AGPAT4: variants seen among roughly 807,000 people sequenced by gnomAD.
AGPAT4 encodes the protein 1-acylglycerol-3-phosphate O-acyltransferase 4.
Under a neutral mutation model 48.0 loss-of-function variants are expected in AGPAT4, and 15 were observed. The observed-to-expected ratio is 0.31, with a 90% CI of 0.21 to 0.48. The LOEUF (loss-of-function observed/expected upper bound fraction) is 0.48, where lower values mean the gene tolerates loss of function less well. AGPAT4 is among the 20% of genes least tolerant of loss of function. AGPAT4 has a pLI of 0.99. For synonymous variants in AGPAT4, 178 were observed against 198.7 expected (o/e 0.90, Z 0.88); for missense variants, 314 against 482.5 (o/e 0.65, Z 3.27).
At position 161,130,059 on chromosome 6, in the gene AGPAT4, T is replaced by C. The variant is rs531883252; in HGVS notation, c.*6481A>G. ...ATCCACACATACTTTATTAGTTTTA[T>C]CTTTGTTCAGCCCACCAACAAAAAT... On this transcript the variant is annotated 3_prime_UTR_variant, in exon 9 of 9. Coordinates refer to ENST00000320285, the MANE Select transcript of AGPAT4 (RefSeq NM_020133.3). 1 of 152,342 alleles carries C rather than the reference T, an allele frequency of 6.6e-6. No individual in the cohort carries two copies. The highest frequency in any genetic ancestry group is 2.1e-4 in the South Asian group (1 of 4,832). The allele number at this position is 152,342 out of a possible 1,614,324, so 9.4% of individuals were successfully genotyped here.
intron 5 of AGPAT4, among the ~76,000 whole-genome samples, chr6:161,151,519 C>T (rs916371294): frequency 6.6e-6 from 1 of 152,230 alleles, no homozygotes; most frequent in African/African-American, 2.4e-5. Flanking sequence ...TGGGCAACCC[C>T]ACCAGGGGCA....
intron 2 of AGPAT4, among the ~76,000 whole-genome samples, chr6:161,173,927 G>C (rs956922607): frequency 6.6e-6 from 1 of 152,126 alleles, no homozygotes; most frequent in Non-Finnish European, 1.5e-5. Flanking sequence ...GCTTGTTTTT[G>C]TCAGGTTTGT....
intron 5 of AGPAT4, among the ~76,000 whole-genome samples, 155 bp downstream of exon 5, chr6:161,153,190 TC>T (rs1434644048): frequency 6.6e-6 from 1 of 152,224 alleles, no homozygotes; most frequent in Non-Finnish European, 1.5e-5. Context: ...TGACCTTGGT[TC>T]CCAGTCACAG....
At chr6:161,199,217 C>T (rs905076870) in intron 2 of AGPAT4, among the ~76,000 whole-genome samples, 6 of 152,104 alleles carry the variant, frequency 3.9e-5, no homozygotes, top group East Asian at 3.8e-4. Context: ...TATAGGACTG[C>T]GAATGTCGTC....
chr6:161,260,499 A>G (rs1448158608), intron 1 of AGPAT4, among the ~76,000 whole-genome samples: 2 of 151,532 alleles, frequency 1.3e-5, no homozygotes, highest in African/African-American at 2.4e-5. Flanking sequence ...ATCTCTACTA[A>G]AAATTAACCA....
intron 4 of AGPAT4, 185 bp downstream of exon 4, chr6:161,153,964 C>T (rs1779683244): frequency 1.3e-6 from 1 of 779,376 alleles, no homozygotes; most frequent in African/African-American, 1.7e-5. Context: ...CATACGTGGC[C>T]CCACGGTCAC....
rs1241479706 is a variant in AGPAT4 at position 161,208,229 on chromosome 6, T to C, written c.178+23807A>G. Among the ~76,000 whole-genome samples, 1 of 152,184 alleles carries C rather than the reference T, an allele frequency of 6.6e-6. No homozygotes were observed. The highest frequency in any genetic ancestry group is 1.5e-5 in the Non-Finnish European group (1 of 68,032). ...TCTCCTTTTTTATATGAACGTTAGC[T>C]ACCAAGACAAGCACTGTTACTAAAA... On this transcript the variant is annotated intron_variant, in intron 2 of 8. Transcript: ENST00000320285. This position sits in a 1 kb window ranked among gnomAD's most constrained non-coding sequence, Gnocchi z 4.6.
chr6:161,183,865 G>A (rs777739668), intron 2 of AGPAT4, among the ~76,000 whole-genome samples: 7 of 151,736 alleles, frequency 4.6e-5, no homozygotes, highest in African/African-American at 7.3e-5. Context: ...TGGGGAAGCA[G>A]GGAGGGCTTC....
rs890934246 is a variant in AGPAT4 at position 161,221,031 on chromosome 6, G to T, written c.178+11005C>A. ...ACTCCTGACCTCAGGTGATCTACCC[G>T]CCTCAGCCTCCCAAAGTGCTGGATT... On this transcript the variant is annotated intron_variant, in intron 2 of 8. Coordinates refer to ENST00000320285, the MANE Select transcript of AGPAT4 (RefSeq NM_020133.3). The surrounding 1 kb of genome is among the most constrained non-coding windows in gnomAD (Gnocchi z 4.5). Among the ~76,000 whole-genome samples the T allele has an allele frequency of 6.6e-6, 1 of 152,028 alleles. No homozygotes were observed. Among genetic ancestry groups the T allele is most frequent in the Admixed American group, 6.5e-5 (1 of 15,268 alleles).
At position 161,251,592 on chromosome 6, in the gene AGPAT4, C is replaced by T. The variant is rs573886332; in HGVS notation, c.-89-19290G>A. On this transcript the variant is annotated intron_variant, in intron 1 of 8. Coordinates refer to ENST00000320285, the MANE Select transcript of AGPAT4 (RefSeq NM_020133.3). The surrounding 1 kb of genome is among the most constrained non-coding windows in gnomAD (Gnocchi z 4.6). ...ACCCTGCATTACAGACCAGCCTGTC[C>T]GGCCGCTGGTTAAAGACCCGCAGGG... Among the ~76,000 whole-genome samples, 4 of 152,278 alleles carry T rather than the reference C, an allele frequency of 2.6e-5. No individual in the cohort carries two copies. The highest frequency in any genetic ancestry group is 1.9e-4 in the East Asian group (1 of 5,164).
rs546451847 is a variant in AGPAT4, at chr6:161,243,338, G to A, written c.-89-11036C>T. 2.2e-4 allele frequency among the ~76,000 whole-genome samples: 34 copies of A among 152,174 alleles called. No individual in the cohort carries two copies. The highest frequency in any genetic ancestry group is 6.2e-4 in the South Asian group (3 of 4,810). On this transcript the variant is annotated intron_variant, in intron 1 of 8. Coordinates refer to ENST00000320285, the MANE Select transcript of AGPAT4 (RefSeq NM_020133.3). This position sits in a 1 kb window ranked among gnomAD's most constrained non-coding sequence, Gnocchi z 4.8. ...CGTGAGGTGGCTGGCATCCCCAGCC[G>A]GCACTAAAAACAAAAAGAGAGAGCT...
intron 2 of AGPAT4, among the ~76,000 whole-genome samples, chr6:161,194,534 C>G (rs1211602751): frequency 2.0e-5 from 3 of 148,838 alleles, no homozygotes; most frequent in African/African-American, 7.4e-5. Context: ...GTCTGTGTGT[C>G]TATGTGTGTA....
At chr6:161,263,432 A>C (rs1013906126) in intron 1 of AGPAT4, among the ~76,000 whole-genome samples, 1 of 152,182 alleles carries the variant, frequency 6.6e-6, no homozygotes, top group Admixed American at 6.5e-5. Flanking sequence ...CAGAAGTTGC[A>C]GTGAGCCAAG....
Position 161,169,320 on chromosome 6 carries a change from G to C in AGPAT4, c.179-2903C>G, listed in dbSNP as rs1019933420. ...GACTGGAATAGGGAGGCCAGTTAGC[G>C]GGTGACTACATCAGCACAGCGAGAG... On this transcript the variant is annotated intron_variant, in intron 2 of 8. Coordinates refer to ENST00000320285, the MANE Select transcript of AGPAT4 (RefSeq NM_020133.3). The surrounding 1 kb of genome is among the most constrained non-coding windows in gnomAD (Gnocchi z 5.0). Among the ~76,000 whole-genome samples, 1 of 152,182 alleles carries C rather than the reference G, an allele frequency of 6.6e-6. No individual in the cohort carries two copies. The highest frequency in any genetic ancestry group is 6.5e-5 in the Admixed American group (1 of 15,276).
rs1779009364 is a variant in AGPAT4, at chr6:161,134,692, A to G, written c.*1848T>C. 6.6e-6 allele frequency: 1 copy of G among 152,006 alleles called. No individual in the cohort carries two copies. The highest frequency in any genetic ancestry group is 1.5e-5 in the Non-Finnish European group (1 of 68,000). The allele number at this position is 152,006 out of a possible 1,614,324, so 9.4% of individuals were successfully genotyped here. ...CGGACCCCTCCGAGAGACTGGCCCG[A>G]TAATCCAGGCGCAGGTCCACTAGGG... On this transcript the variant is annotated 3_prime_UTR_variant, in exon 9 of 9. Coordinates refer to ENST00000320285, the MANE Select transcript of AGPAT4 (RefSeq NM_020133.3).
chr6:161,153,414 C>T lies in AGPAT4; in HGVS notation c.596G>A (p.Arg199His), dbSNP rs1372957019. The change falls in exon 5 of 9, where the codon CGC (arginine) becomes CAC (histidine). Residue 199 changes from arginine (R) to histidine (H), a missense_variant. Arg to His is a conservative substitution (Grantham distance 29). Transcript: ENST00000320285. ...TCGTGGCAACAGGTGATGCTTGAGG[C>T]GAGGCAGCCCCTTGGCCCGGGCCAC... The part of the protein sequence containing the change: ...MQVARAKGLP[R>H]LKHHLLPRTK... 1.4e-5 allele frequency: 22 copies of T among 1,611,282 alleles called. No homozygotes were observed. The highest frequency in any genetic ancestry group is 1.7e-5 in the Non-Finnish European group (20 of 1,178,868).
At chr6:161,153,218 G>A (rs1178431797) in intron 5 of AGPAT4, 128 bp downstream of exon 5, 57 of 1,291,656 alleles carry the variant, frequency 4.4e-5, no homozygotes, top group Non-Finnish European at 3.1e-5. Context: ...GACTTGAGCA[G>A]CCACTCTGAG....
rs1783387075 is a variant in AGPAT4 at position 161,270,374 on chromosome 6, C to T, written c.-90+3564G>A. Among the ~76,000 whole-genome samples, 1 of 152,084 alleles carries T rather than the reference C, an allele frequency of 6.6e-6. No homozygotes were observed. Among genetic ancestry groups the T allele is most frequent in the African/African-American group, 2.4e-5 (1 of 41,404 alleles). ...ACAAAGAATAATGAATTTGAGTTGC[C>T]CAAGCTCTAGGAAATGTTACATGAT... On this transcript the variant is annotated intron_variant, in intron 1 of 8. Coordinates refer to ENST00000320285, the MANE Select transcript of AGPAT4 (RefSeq NM_020133.3). The surrounding 1 kb of genome is among the most constrained non-coding windows in gnomAD (Gnocchi z 5.3).
rs757920893 is a variant in AGPAT4 at position 161,146,492 on chromosome 6, G to A, written c.843+32C>T. ...CACACGGCGCACCCACAGCTGCAAC[G>A]TGAAGGGACCCCTGGCACCCAGTGC... On this transcript the variant is annotated intron_variant, in intron 7 of 8. Transcript: ENST00000320285. This position sits in a 1 kb window ranked among gnomAD's most constrained non-coding sequence, Gnocchi z 7.1. 6.2e-6 allele frequency: 10 copies of A among 1,610,116 alleles called. No individual in the cohort carries two copies. Among genetic ancestry groups the A allele is most frequent in the Admixed American group, 3.3e-5 (2 of 59,944 alleles).
Sources: gnomAD v4.1 joint callset for allele counts (sites outside exome capture counted in the v4.1 genomes callset) on GRCh38, gnomAD v4.1.1 for gene constraint, Gnocchi (gnomAD v3.1) non-coding constraint, MANE v1.5 for transcripts, NCBI Gene and HGNC (gene_info 2026-07-23, HGNC 2026-07-21) for gene names.